MOXD1: variants seen among roughly 807,000 people sequenced by gnomAD.
MOXD1 encodes monooxygenase DBH like 1.
MOXD1 carries 62 observed loss-of-function variants against 66.6 expected under a neutral mutation model. The ratio of observed to expected loss-of-function variants is 0.93; its 90% confidence interval spans 0.76 to 1.15. The LOEUF (loss-of-function observed/expected upper bound fraction) is 1.15. Ranked by LOEUF, MOXD1 falls within the 50% of genes most tolerant of loss-of-function variation. The probability of loss-of-function intolerance (pLI) is 0.00; values close to 1 mark genes in which losing one functional copy is unlikely to be tolerated. For synonymous variants in MOXD1, 303 were observed against 281.9 expected (o/e 1.07, Z -0.75); for missense variants, 847 against 754.6 (o/e 1.12, Z -1.44).
Position 132,322,727 on chromosome 6 carries a change from G to A in MOXD1, c.1257C>T (p.Phe419=), listed in dbSNP as rs752232019. 13 of 1,613,826 alleles carry A rather than the reference G, an allele frequency of 8.1e-6. No individual in the cohort carries two copies. Among genetic ancestry groups the A allele is most frequent in the Non-Finnish European group, 1.0e-5 (12 of 1,179,974 alleles). The part of the protein sequence containing the change: ...KLLAYDDDFD[F]NFQEFQYLKE... ...TTAGATACTGAAACTCCTGGAAATT[G>A]AAGTCAAAATCATCATCATAGGCAA... Residue 419 remains phenylalanine, a synonymous_variant, in exon 8 of 12, where the codon TTC becomes TTT. Transcript: ENST00000367963.
In MOXD1 at chr6:132,386,770, A is replaced by G. The variant is rs547953755; in HGVS notation, c.265-11993T>C. Among the ~76,000 whole-genome samples, 2 of 151,652 alleles carry G rather than the reference A, an allele frequency of 1.3e-5. 1 individual carries two copies. The highest frequency in any genetic ancestry group is 4.2e-4 in the South Asian group (2 of 4,706). ...TTTAATACTTCCAGTGACAATGCTC[A>G]TGATCTCACAATCTTACAAGGCAAT... On this transcript the variant is annotated intron_variant, in intron 1 of 11. Coordinates refer to ENST00000367963, the MANE Select transcript of MOXD1 (RefSeq NM_015529.4).
chr6:132,374,499 A>T (rs960424287), intron 2 of MOXD1, 132 bp downstream of exon 2: 12 of 976,382 alleles, frequency 1.2e-5, no homozygotes, highest in Admixed American at 1.0e-4. Flanking sequence ...AAAAAAAACT[A>T]AAAAAAATCA....
chr6:132,309,519 A>T (rs1774775773), intron 10 of MOXD1, among the ~76,000 whole-genome samples: 1 of 152,174 alleles, frequency 6.6e-6, no homozygotes. Flanking sequence ...AGCAACAACT[A>T]TTTTAAATTT....
intron 1 of MOXD1, among the ~76,000 whole-genome samples, chr6:132,386,102 CAA>C (rs562046512): frequency 5.6e-5 from 5 of 89,082 alleles, no homozygotes; most frequent in Non-Finnish European, 6.6e-5. Flanking sequence ...GACTGCGTCT[CAA>C]AAAAAAAAAA....
chr6:132,385,647 C>A (rs1018681578), intron 1 of MOXD1, among the ~76,000 whole-genome samples: 64 of 151,856 alleles, frequency 4.2e-4, no homozygotes, highest in African/African-American at 1.5e-3. Context: ...CCATGCCTGG[C>A]TAATTTTTGT....
At chr6:132,370,231 T>A (rs1015959258) in intron 4 of MOXD1, among the ~76,000 whole-genome samples, 84 of 152,150 alleles carry the variant, frequency 5.5e-4, no homozygotes, top group Non-Finnish European at 1.1e-3. Context: ...GAATATACAC[T>A]TTTCTTAAAT....
intron 10 of MOXD1, among the ~76,000 whole-genome samples, chr6:132,300,811 A>G (rs1774517695): frequency 1.3e-5 from 2 of 152,186 alleles, no homozygotes; most frequent in Admixed American, 1.3e-4. Context: ...TGTGGTCATC[A>G]ACCTTTCTGA....
intron 1 of MOXD1, 78 bp downstream of exon 1, chr6:132,401,085 G>T: frequency 3.6e-6 from 5 of 1,378,034 alleles, no homozygotes; most frequent in Non-Finnish European, 3.7e-6. Context: ...CCCCGGGGAC[G>T]ACCCGCACCT....
rs552747842 is a variant in MOXD1 at position 132,353,067 on chromosome 6, A to G, written c.663+19541T>C. On this transcript the variant is annotated intron_variant, in intron 4 of 11. Transcript: ENST00000367963. Reference sequence around the variant, plus strand: ...GGTGAGTCTCCTGAAGGCAGCAGATAGTTGATTGGTAAGTTCTTATCCATT... The same window carrying G: ...GGTGAGTCTCCTGAAGGCAGCAGATGGTTGATTGGTAAGTTCTTATCCATT... Among the ~76,000 whole-genome samples, 5 of 152,254 alleles carry G rather than the reference A, an allele frequency of 3.3e-5. No individual in the cohort carries two copies. The South Asian group carries it at 1.0e-3, about 32-fold the overall frequency.
intron 4 of MOXD1, among the ~76,000 whole-genome samples, chr6:132,329,638 T>A (rs1775274712): frequency 6.6e-6 from 1 of 152,068 alleles, no homozygotes; most frequent in Non-Finnish European, 1.5e-5. Flanking sequence ...TTTTTACTGG[T>A]GATTTTATCA....
In MOXD1 at chr6:132,384,247, TTC is replaced by T. The variant is rs1367098379; in HGVS notation, c.265-9472_265-9471del. On this transcript the variant is annotated intron_variant, in intron 1 of 11. Transcript: ENST00000367963. ...CTTCCTTCCTCCCTCCCTCTCTTCCTTCCTTCCTTCCTTCCTTCCTTCCTTCC... is the reference window on the plus strand; with the variant it reads ...CTTCCTTCCTCCCTCCCTCTCTTCCTCTTCCTTCCTTCCTTCCTTCCTTCC... Among the ~76,000 whole-genome samples the T allele has an allele frequency of 4.5e-3, 37 of 8,306 alleles. 1 individual carries two copies. The East Asian group carries it at 0.075, about 17-fold the overall frequency. The allele number at this position is 8,306 out of a possible 152,430, so 5.4% of individuals were successfully genotyped here.
intron 4 of MOXD1, among the ~76,000 whole-genome samples, chr6:132,332,431 T>C (rs1317127262): frequency 6.6e-6 from 1 of 152,076 alleles, no homozygotes; most frequent in African/African-American, 2.4e-5. Flanking sequence ...CATGTAAGGA[T>C]AAATATAAAT....
intron 1 of MOXD1, among the ~76,000 whole-genome samples, chr6:132,384,956 A>G (rs1776595510): frequency 6.6e-6 from 1 of 152,204 alleles, no homozygotes; most frequent in African/African-American, 2.4e-5. Context: ...TAGTTGGAAG[A>G]CACTCAGGAG....
At chr6:132,368,301 T>C (rs1349432379) in intron 4 of MOXD1, among the ~76,000 whole-genome samples, 1 of 152,050 alleles carries the variant, frequency 6.6e-6, no homozygotes, top group East Asian at 1.9e-4. Context: ...AGAGTCATGC[T>C]GAAATATGGA....
At chr6:132,395,810 A>C (rs145529570) in intron 1 of MOXD1, among the ~76,000 whole-genome samples, 1 of 152,328 alleles carries the variant, frequency 6.6e-6, no homozygotes, top group East Asian at 1.9e-4. Flanking sequence ...AAAGGGATCA[A>C]CTCAGCAAGA....
chr6:132,365,250 G>A (rs1248839022), intron 4 of MOXD1, among the ~76,000 whole-genome samples: 1 of 152,098 alleles, frequency 6.6e-6, no homozygotes, highest in Non-Finnish European at 1.5e-5. Context: ...GGATTCTGGG[G>A]CACTTTGGCA....
chr6:132,397,259 A>C (rs1045070779), intron 1 of MOXD1, among the ~76,000 whole-genome samples: 4 of 152,244 alleles, frequency 2.6e-5, no homozygotes, highest in African/African-American at 9.6e-5. Context: ...ACTTGTGAGC[A>C]AAAGAAATTT....
intron 10 of MOXD1, among the ~76,000 whole-genome samples, chr6:132,308,461 T>TTCCTTCTGAAACTATTCCAA (rs1183075943): frequency 2.0e-5 from 3 of 152,192 alleles, no homozygotes; most frequent in Admixed American, 6.5e-5. Flanking sequence ...ACTGTTACCA[T>TTCCTTCTGAAACTATTCCAA]TCCTTCTGAA....
chr6:132,312,890 T>C (rs1028007901), intron 10 of MOXD1, among the ~76,000 whole-genome samples: 2 of 152,102 alleles, frequency 1.3e-5, no homozygotes, highest in East Asian at 3.8e-4. Flanking sequence ...TTTAACATTC[T>C]CTCAAATTAA....
Sources: gnomAD v4.1 joint callset for allele counts (sites outside exome capture counted in the v4.1 genomes callset) on GRCh38, gnomAD v4.1.1 for gene constraint, MANE v1.5 for transcripts, NCBI Gene and HGNC (gene_info 2026-07-23, HGNC 2026-07-21) for gene names.